The following TAFA2 variants were observed in gnomAD, a reference collection of about 807,000 sequenced individuals.
TAFA2 encodes the protein TAFA chemokine like family member 2, also known as chemokine-like protein TAFA-2.
Under a neutral mutation model 18.8 loss-of-function variants are expected in TAFA2, and 7 were observed. That is an observed-to-expected ratio of 0.37 (90% confidence interval 0.21 to 0.70). The LOEUF (loss-of-function observed/expected upper bound fraction) is 0.70, where lower values mean the gene tolerates loss of function less well. Ranked by LOEUF, TAFA2 falls within the 30% of genes least tolerant of loss-of-function variation. TAFA2 has a pLI of 0.53. For missense variants in TAFA2, 122 were observed against 158.1 expected (o/e 0.77, Z 1.23); for synonymous variants, 60 against 54.2 (o/e 1.11, Z -0.47).
intron 1 of TAFA2, among the ~76,000 whole-genome samples, chr12:61,914,126 T>A (rs1876722719): frequency 6.6e-6 from 1 of 152,082 alleles, no homozygotes; most frequent in Non-Finnish European, 1.5e-5. Flanking sequence ...AATCACTATA[T>A]TATCTCCCCA....
At chr12:61,905,707 A>T (rs1876319963) in intron 1 of TAFA2, among the ~76,000 whole-genome samples, 1 of 152,204 alleles carries the variant, frequency 6.6e-6, no homozygotes, top group Admixed American at 6.5e-5. Flanking sequence ...AATCAAGGAA[A>T]AGCTCTTGTC....
chr12:62,183,245 TG>T (rs2062563729), intron 1 of TAFA2, among the ~76,000 whole-genome samples: 1 of 152,188 alleles, frequency 6.6e-6, no homozygotes, highest in Non-Finnish European at 1.5e-5. Context: ...TCTAGTAAGA[TG>T]GTGGGTGTCT....
intron 2 of TAFA2, among the ~76,000 whole-genome samples, chr12:61,798,553 C>G (rs1871281333): frequency 6.6e-6 from 1 of 152,136 alleles, no homozygotes; most frequent in Non-Finnish European, 1.5e-5. Context: ...AATAACTCCC[C>G]ATTTCCCTCT....
chr12:62,056,680 C>T (rs150962434), intron 1 of TAFA2, among the ~76,000 whole-genome samples: 1 of 152,302 alleles, frequency 6.6e-6, no homozygotes, highest in Non-Finnish European at 1.5e-5. Context: ...AATCTTAACA[C>T]CTAGGAATAA....
intron 1 of TAFA2, among the ~76,000 whole-genome samples, chr12:61,939,753 C>T (rs1282330148): frequency 6.6e-6 from 1 of 152,200 alleles, no homozygotes; most frequent in Non-Finnish European, 1.5e-5. Flanking sequence ...CTTCACGTGA[C>T]TTTTCTTTTC....
chr12:62,236,359 G>A (rs139463586), intron 1 of TAFA2, among the ~76,000 whole-genome samples: 6,452 of 151,390 alleles, frequency 0.043, 164 homozygotes, highest in African/African-American at 0.045. Flanking sequence ...CCACCTCCCG[G>A]GTTCACACCA....
chr12:61,825,830 C>T (rs1872518499), intron 2 of TAFA2, among the ~76,000 whole-genome samples: 1 of 151,958 alleles, frequency 6.6e-6, no homozygotes, highest in Non-Finnish European at 1.5e-5. Flanking sequence ...GGCACACATG[C>T]CCCTTTGAAT....
At chr12:61,781,966 A>G (rs987339264) in intron 2 of TAFA2, among the ~76,000 whole-genome samples, 2 of 151,644 alleles carry the variant, frequency 1.3e-5, no homozygotes, top group African/African-American at 4.8e-5. Context: ...ACTCTTTTAC[A>G]TGTTTCAATT....
chr12:62,047,559 G>T (rs1355857632), intron 1 of TAFA2, among the ~76,000 whole-genome samples: 1 of 152,066 alleles, frequency 6.6e-6, no homozygotes, highest in Non-Finnish European at 1.5e-5. Flanking sequence ...TACTGTTAAG[G>T]TTTACTAATT....
intron 1 of TAFA2, among the ~76,000 whole-genome samples, chr12:62,138,081 A>C (rs1870969068): frequency 6.6e-6 from 1 of 151,966 alleles, no homozygotes; most frequent in African/African-American, 2.4e-5. Flanking sequence ...CTTTGCCTCA[A>C]ATGCCGCCTC....
chr12:61,744,747 C>T (rs763493855), intron 4 of TAFA2, among the ~76,000 whole-genome samples: 1 of 151,986 alleles, frequency 6.6e-6, no homozygotes, highest in Non-Finnish European at 1.5e-5. Context: ...GACTGGGTCT[C>T]ACTATGTTGC....
chr12:61,862,673 A>C (rs1464662875), intron 2 of TAFA2, among the ~76,000 whole-genome samples: 1 of 152,174 alleles, frequency 6.6e-6, no homozygotes, highest in African/African-American at 2.4e-5. Flanking sequence ...CTCTATGCAC[A>C]CCATCCTCCT....
intron 2 of TAFA2, among the ~76,000 whole-genome samples, chr12:61,797,260 C>T (rs1402666137): frequency 6.6e-6 from 1 of 152,126 alleles, no homozygotes; most frequent in Admixed American, 6.5e-5. Context: ...CCCTACCTCA[C>T]AGTGCCAAAA....
chr12:61,832,019 C>A (rs532968423), intron 2 of TAFA2, among the ~76,000 whole-genome samples: 27 of 152,122 alleles, frequency 1.8e-4, no homozygotes, highest in Middle Eastern at 3.4e-3. Flanking sequence ...CCAATTATGG[C>A]AACTTGTAAT....
intron 2 of TAFA2, among the ~76,000 whole-genome samples, chr12:61,764,241 T>C (rs1869690879): frequency 6.6e-6 from 1 of 151,750 alleles, no homozygotes. Context: ...GATAGATAGA[T>C]AGATAGATAG....
intron 1 of TAFA2, among the ~76,000 whole-genome samples, chr12:61,918,075 T>A (rs568533514): frequency 1.3e-5 from 2 of 152,140 alleles, no homozygotes; most frequent in Non-Finnish European, 2.9e-5. Flanking sequence ...ACATGACATA[T>A]TTTGATACAG....
chr12:61,710,754 C>T (rs1400746095), intron 4 of TAFA2, among the ~76,000 whole-genome samples: 1 of 151,938 alleles, frequency 6.6e-6, no homozygotes, highest in Non-Finnish European at 1.5e-5. Context: ...GCTTGGTAGC[C>T]ATAACCCAAA....
At position 62,166,574 on chromosome 12, in the gene TAFA2, C is replaced by G. The variant is rs1449034019; in HGVS notation, c.-2+24685G>C. On this transcript the variant is annotated intron_variant, in intron 1 of 4. Coordinates refer to ENST00000416284, the MANE Select transcript of TAFA2 (RefSeq NM_178539.5). ...TTTCTCATCTTTTTCCCTTTCCCCT[C>G]TGTTTGCTACCTCCACCTCCCCTGA... is the stretch of plus-strand genomic sequence containing the variant. Among the ~76,000 whole-genome samples the G allele has an allele frequency of 2.6e-5, 4 of 152,120 alleles. No individual in the cohort carries two copies. The East Asian group carries it at 7.7e-4, about 29-fold the overall frequency.
chr12:62,091,146 G>A (rs538163459), intron 1 of TAFA2, among the ~76,000 whole-genome samples: 1 of 152,044 alleles, frequency 6.6e-6, no homozygotes, highest in African/African-American at 2.4e-5. Flanking sequence ...TTGGTTTGAA[G>A]TCCCAGTCCA....
Sources: allele counts gnomAD v4.1 joint callset (sites outside exome capture counted in the v4.1 genomes callset), GRCh38; gene constraint gnomAD v4.1.1; transcripts MANE v1.5; gene names NCBI Gene and HGNC (gene_info 2026-07-23, HGNC 2026-07-21).